Variants in MORN5 observed in about 807,000 individuals in gnomAD.
MORN5 encodes the protein MORN repeat containing 5, also known as MORN repeat-containing protein 5.
MORN5 carries 21 observed loss-of-function variants against 22.1 expected under a neutral mutation model. That is an observed-to-expected ratio of 0.95 (90% CI 0.67 to 1.37). The LOEUF is 1.37. Among genes scored for constraint, MORN5 ranks in the 40% most tolerant of loss-of-function variants. MORN5 has a pLI of 0.00. For synonymous variants in MORN5, 73 were observed against 74.0 expected (o/e 0.99, Z 0.07); for missense variants, 211 against 215.1 (o/e 0.98, Z 0.12).
chr9:122,174,552 G>A lies in MORN5; in HGVS notation c.364G>A (p.Asp122Asn), dbSNP rs751585952. 130 of 1,613,978 alleles carry A rather than the reference G, an allele frequency of 8.1e-5. No homozygotes were observed. Among genetic ancestry groups the A allele is most frequent in the Admixed American group, 3.3e-4 (20 of 59,998 alleles). Residue 122 changes from aspartate (D) to asparagine (N), a missense_variant, in exon 4 of 5, where the codon GAT (aspartate) becomes AAT (asparagine). By Grantham distance (23) the Asp-to-Asn change is conservative (BLOSUM62 1). Transcript: ENST00000373764. The stretch of plus-strand genomic sequence containing the variant: ...TAGAAAAATCCCCAAGGGCTATTAC[G>A]ATTGTGGAGACGGCTTCTATAACCC... The part of the protein sequence containing the change: ...PPRKIPKGYY[D>N]CGDGFYNPVT...
At chr9:122,175,726 C>T (rs535985043) in intron 4 of MORN5, 5 of 981,650 alleles carry the variant, frequency 5.1e-6, no homozygotes, top group Admixed American at 6.1e-5. Flanking sequence ...TAGACCAGAA[C>T]ATCTGTGCTG....
At chr9:122,180,043 C>A (rs576262117) in intron 4 of MORN5, among the ~76,000 whole-genome samples, 2 of 152,224 alleles carry the variant, frequency 1.3e-5, no homozygotes, top group Non-Finnish European at 2.9e-5. Flanking sequence ...GGGCCACCAG[C>A]AGAAGAGTCA....
chr9:122,188,142 T>G (rs1254486082), intron 4 of MORN5, among the ~76,000 whole-genome samples: 1 of 152,136 alleles, frequency 6.6e-6, no homozygotes, highest in Non-Finnish European at 1.5e-5. Flanking sequence ...GGAGAGAGCC[T>G]TGAATAGCAG....
intron 4 of MORN5, among the ~76,000 whole-genome samples, chr9:122,187,023 C>A (rs1484758817): frequency 1.3e-5 from 2 of 152,360 alleles, no homozygotes; most frequent in South Asian, 4.1e-4. Context: ...CTCTGAGCTT[C>A]AGTTTCTTCA....
At chr9:122,160,610 C>A (rs1279705028) in intron 1 of MORN5, among the ~76,000 whole-genome samples, 3 of 147,828 alleles carry the variant, frequency 2.0e-5, no homozygotes, top group Non-Finnish European at 3.0e-5. Context: ...TTCTTTCTTT[C>A]TCTCTCGTTT....
chr9:122,195,185 G>A lies in MORN5; in HGVS notation c.440-4700G>A, dbSNP rs191687488. On this transcript the variant is annotated intron_variant, in intron 4 of 4. Transcript: ENST00000373764. ...TCTCACCTTTTAGGGAGCACACTGG[G>A]TTTTCATGTATTTCTTAAACTGTTT... 2.6e-5 allele frequency among the ~76,000 whole-genome samples: 4 copies of A among 152,252 alleles called. No homozygotes were observed. The East Asian group carries it at 7.7e-4, about 29-fold the overall frequency.
At chr9:122,167,061 T>G in intron 2 of MORN5, 146 bp downstream of exon 2, 2 of 711,138 alleles carry the variant, frequency 2.8e-6, no homozygotes, top group Non-Finnish European at 4.3e-6. Flanking sequence ...CCCCACTTTT[T>G]TTTTTTTTTT....
intron 4 of MORN5, among the ~76,000 whole-genome samples, chr9:122,196,335 A>AT (rs35655121): frequency 0.089 from 12,093 of 136,376 alleles, 555 homozygotes; most frequent in South Asian, 0.11. Flanking sequence ...AAAGCCAATA[A>AT]TTTTTTTTTT....
At chr9:122,164,260 A>G (rs985054937) in intron 1 of MORN5, among the ~76,000 whole-genome samples, 1 of 152,096 alleles carries the variant, frequency 6.6e-6, no homozygotes, top group Admixed American at 6.6e-5. Context: ...AGGGAGGAGA[A>G]GGAGAGAAGG....
At chr9:122,186,819 C>T (rs1211167193) in intron 4 of MORN5, among the ~76,000 whole-genome samples, 1 of 152,328 alleles carries the variant, frequency 6.6e-6, no homozygotes. Flanking sequence ...GAGTGGAAAG[C>T]CAGACCCTAT....
intron 1 of MORN5, among the ~76,000 whole-genome samples, chr9:122,161,718 G>A (rs776956863): frequency 1.3e-5 from 2 of 152,156 alleles, no homozygotes; most frequent in African/African-American, 2.4e-5. Flanking sequence ...ATTAATTTTC[G>A]ATGGGCTGTA....
intron 4 of MORN5, chr9:122,175,838 G>C: frequency 2.2e-6 from 1 of 445,484 alleles, no homozygotes; most frequent in Non-Finnish European, 3.0e-6. Flanking sequence ...GGAGAGGCCG[G>C]GCGCGGTGGC....
rs1829911072 is a variant in MORN5, at chr9:122,197,202, C to A, written c.440-2683C>A. 6.6e-6 allele frequency among the ~76,000 whole-genome samples: 1 copy of A among 152,144 alleles called. No individual in the cohort carries two copies. The highest frequency in any genetic ancestry group is 2.4e-5 in the African/African-American group (1 of 41,430). On this transcript the variant is annotated intron_variant, in intron 4 of 4. Transcript: ENST00000373764. The surrounding 1 kb of genome is among the most constrained non-coding windows in gnomAD (Gnocchi z 5.7). ...ATCTTCCTTCTCTCTGCACCACTGG[C>A]AGTTGTGCCAAGGGTAATAATTTAC...
intron 3 of MORN5, among the ~76,000 whole-genome samples, chr9:122,170,796 A>G (rs1829354475): frequency 6.6e-6 from 1 of 152,110 alleles, no homozygotes; most frequent in Non-Finnish European, 1.5e-5. Context: ...GGCACCTTAA[A>G]ATTTTGAGAC....
chr9:122,177,166 C>T (rs990062962), intron 4 of MORN5, among the ~76,000 whole-genome samples: 14 of 152,150 alleles, frequency 9.2e-5, no homozygotes, highest in African/African-American at 2.2e-4. Context: ...AGACCTCTGG[C>T]GGGGGAGCAC....
chr9:122,184,715 AC>A (rs1829587021), intron 4 of MORN5, among the ~76,000 whole-genome samples: 1 of 152,158 alleles, frequency 6.6e-6, no homozygotes, highest in African/African-American at 2.4e-5. Flanking sequence ...CTCCACAGTA[AC>A]CCTGCAAAGT....
At chr9:122,172,570 G>C (rs1022360371) in intron 3 of MORN5, among the ~76,000 whole-genome samples, 1 of 151,966 alleles carries the variant, frequency 6.6e-6, no homozygotes, top group African/African-American at 2.4e-5. Flanking sequence ...TCAGCTCAAC[G>C]TCCTGAAGCT....
chr9:122,196,511 T>C (rs1408742184), intron 4 of MORN5, among the ~76,000 whole-genome samples: 2 of 151,984 alleles, frequency 1.3e-5, no homozygotes, highest in African/African-American at 4.8e-5. Flanking sequence ...TTTTTGTATT[T>C]TTGTAGAGAC....
At chr9:122,173,562 C>T (rs1198373591) in intron 3 of MORN5, among the ~76,000 whole-genome samples, 1 of 152,200 alleles carries the variant, frequency 6.6e-6, no homozygotes, top group Admixed American at 6.5e-5. Flanking sequence ...GGGCATCCAG[C>T]TCTCAGTCTA....
Sources: gnomAD v4.1 joint callset for allele counts (sites outside exome capture counted in the v4.1 genomes callset) on GRCh38, gnomAD v4.1.1 for gene constraint, Gnocchi (gnomAD v3.1) non-coding constraint, MANE v1.5 for transcripts, NCBI Gene and HGNC (gene_info 2026-07-23, HGNC 2026-07-21) for gene names.